ZNF471: variants seen among roughly 807,000 people sequenced by gnomAD.
The protein encoded by ZNF471 is zinc finger protein 471.
In ZNF471, 7 loss-of-function variants were observed where a neutral mutation model predicts 13.7. The ratio of observed to expected loss-of-function variants is 0.51; its 90% CI spans 0.29 to 0.96. The LOEUF is 0.96. Among genes scored for constraint, ZNF471 ranks in the 40% least tolerant of loss-of-function variants. The pLI, the probability that ZNF471 is intolerant of heterozygous loss-of-function variation, is 0.08. For synonymous variants in ZNF471, 218 were observed against 235.6 expected (o/e 0.93, Z 0.68); for missense variants, 663 against 743.3 (o/e 0.89, Z 1.26).
At position 56,522,841 on chromosome 19, in the gene ZNF471, A is replaced by G. The variant is rs770200755; in HGVS notation, c.257-1483A>G. On this transcript the variant is annotated intron_variant, in intron 4 of 4. Coordinates refer to ENST00000308031, the MANE Select transcript of ZNF471 (RefSeq NM_020813.4). The surrounding 1 kb of genome is among the most constrained non-coding windows in gnomAD (Gnocchi z 4.1). Reference sequence around the variant, plus strand: ...AACCTATGCCTCCTGGGTTCAAGCAATTTTCCTGCTTTAGCCTCCCAGGTA... The same window carrying G: ...AACCTATGCCTCCTGGGTTCAAGCAGTTTTCCTGCTTTAGCCTCCCAGGTA... 2.6e-5 allele frequency among the ~76,000 whole-genome samples: 4 copies of G among 151,766 alleles called. No individual in the cohort carries two copies. The highest frequency in any genetic ancestry group is 5.9e-5 in the Non-Finnish European group (4 of 67,966).
chr19:56,517,156 T>C (rs1484629248), intron 3 of ZNF471, among the ~76,000 whole-genome samples: 12 of 150,812 alleles, frequency 8.0e-5, no homozygotes, highest in Non-Finnish European at 1.5e-4. Flanking sequence ...TTTTTTTTTT[T>C]TTTTTGAGAC....
rs1294125422 is a variant in ZNF471, at chr19:56,522,631, A to G, written c.257-1693A>G. Among the ~76,000 whole-genome samples, 1 of 152,120 alleles carries G rather than the reference A, an allele frequency of 6.6e-6. No homozygotes were observed. The highest frequency in any genetic ancestry group is 1.5e-5 in the Non-Finnish European group (1 of 68,032). ...CTTTTCCCTCAGGTTTTCTCTCAGT[A>G]TCATCTCTTCAATACAAATTTCTTT... is the stretch of plus-strand genomic sequence containing the variant. On this transcript the variant is annotated intron_variant, in intron 4 of 4. Coordinates refer to ENST00000308031, the MANE Select transcript of ZNF471 (RefSeq NM_020813.4). This position sits in a 1 kb window ranked among gnomAD's most constrained non-coding sequence, Gnocchi z 4.1.
intron 2 of ZNF471, among the ~76,000 whole-genome samples, chr19:56,514,214 A>G (rs980492950): frequency 9.2e-5 from 14 of 151,876 alleles, no homozygotes; most frequent in African/African-American, 3.4e-4. Context: ...GGCATGCACC[A>G]CCATGCACAG....
intron 2 of ZNF471, among the ~76,000 whole-genome samples, chr19:56,515,509 C>G (rs952213517): frequency 6.6e-6 from 1 of 152,140 alleles, no homozygotes; most frequent in Admixed American, 6.5e-5. Flanking sequence ...TTAAAATGTG[C>G]TTTTAAACAC....
chr19:56,516,036 G>T lies in ZNF471; in HGVS notation c.34-239G>T, dbSNP rs897823849. Among the ~76,000 whole-genome samples the T allele has an allele frequency of 6.6e-6, 1 of 152,176 alleles. No homozygotes were observed. Among genetic ancestry groups the T allele is most frequent in the Non-Finnish European group, 1.5e-5 (1 of 68,028 alleles). On this transcript the variant is annotated intron_variant, in intron 2 of 4. Transcript: ENST00000308031. The surrounding 1 kb of genome is among the most constrained non-coding windows in gnomAD (Gnocchi z 4.4). Reference sequence around the variant, plus strand: ...ACACAGGTGTGTGTTCTCCCTTGAAGCCGTCTTCACTGCCTTGTAGTTATG... The same window carrying T: ...ACACAGGTGTGTGTTCTCCCTTGAATCCGTCTTCACTGCCTTGTAGTTATG...
chr19:56,514,981 C>T (rs1386334214), intron 2 of ZNF471, among the ~76,000 whole-genome samples: 4 of 151,858 alleles, frequency 2.6e-5, no homozygotes, highest in African/African-American at 4.8e-5. Context: ...TATCTGATAC[C>T]TTGCAATAAA....
At chr19:56,512,058 A>G (rs1468149168) in intron 2 of ZNF471, among the ~76,000 whole-genome samples, 1 of 152,054 alleles carries the variant, frequency 6.6e-6, no homozygotes, top group African/African-American at 2.4e-5. Flanking sequence ...CATTTTAAGT[A>G]TGAATTACCA....
rs768750703 is a variant in ZNF471, at chr19:56,525,535, A to T, written c.1468A>T (p.Lys490Ter). The change falls in exon 5 of 5, where the codon AAA becomes TAA. Residue 490 changes from lysine to a stop codon, truncating the protein, a stop_gained. Coordinates refer to ENST00000308031, the MANE Select transcript of ZNF471 (RefSeq NM_020813.4). LOFTEE classifies it low-confidence loss of function (END_TRUNC). ...IHTGEKPYEC[K>*]ECGKAFRISS... ...TACTGGTGAAAAACCCTATGAATGTAAAGAATGTGGAAAAGCTTTTAGAAT... is the reference window on the plus strand; with the variant it reads ...TACTGGTGAAAAACCCTATGAATGTTAAGAATGTGGAAAAGCTTTTAGAAT... The T allele has an allele frequency of 1.2e-6, 2 of 1,614,140 alleles. No homozygotes were observed. The highest frequency in any genetic ancestry group is 1.7e-6 in the Non-Finnish European group (2 of 1,180,008).
chr19:56,525,402 A>C lies in ZNF471; in HGVS notation c.1335A>C (p.Ser445=). 1 of 1,613,780 alleles carries C rather than the reference A, an allele frequency of 6.2e-7. No homozygotes were observed. Among genetic ancestry groups the C allele is most frequent in the Non-Finnish European group, 8.5e-7 (1 of 1,179,944 alleles). The stretch of plus-strand genomic sequence containing the variant: ...GGAAAGATTTTAGCCATCATGCATC[A>C]CTCACTCAGCATCAAAGAGTACATT... The part of the protein sequence containing the change: ...ICGKDFSHHA[S]LTQHQRVHSG... Residue 445 remains serine, a synonymous_variant, in exon 5 of 5, where the codon TCA becomes TCC. Coordinates refer to ENST00000308031, the MANE Select transcript of ZNF471 (RefSeq NM_020813.4).
rs1260448944 is a variant in ZNF471 at position 56,510,374 on chromosome 19, A to G, written c.-55-1143A>G. The G allele has an allele frequency of 4.1e-6, 4 of 985,420 alleles. No homozygotes were observed. The highest frequency in any genetic ancestry group is 4.8e-6 in the Non-Finnish European group (4 of 830,004). The allele number at this position is 985,420 out of a possible 1,614,324, so 61.0% of individuals were successfully genotyped here. A position where few individuals can be genotyped will look rare whatever the true frequency, so the allele number is the denominator to read the frequency against. ...TGTGTGAGAGACCAAAATGGGTGAG[A>G]AAGAAACTATGTGAACCATGGTGTG... On this transcript the variant is annotated intron_variant, in intron 1 of 4. Transcript: ENST00000308031. The surrounding 1 kb of genome is among the most constrained non-coding windows in gnomAD (Gnocchi z 4.3).
chr19:56,511,666 T>C, intron 2 of ZNF471, 62 bp downstream of exon 2: 2 of 1,344,014 alleles, frequency 1.5e-6, no homozygotes, highest in Non-Finnish European at 2.1e-6. Context: ...CTTTTTGTAA[T>C]GCTTCTTTTC....
intron 1 of ZNF471, chr19:56,509,786 T>C (rs1175551298): frequency 4.5e-6 from 4 of 884,708 alleles, no homozygotes; most frequent in South Asian, 5.2e-5. Context: ...TAGAACTGTT[T>C]TGTGTTGTGT....
chr19:56,524,530 A>C lies in ZNF471; in HGVS notation c.463A>C (p.Lys155Gln), dbSNP rs2044017504. 1.2e-6 allele frequency: 2 copies of C among 1,602,274 alleles called. No homozygotes were observed. The highest frequency in any genetic ancestry group is 1.7e-6 in the Non-Finnish European group (2 of 1,176,832). The change falls in exon 5 of 5, where the codon AAG (lysine) becomes CAG (glutamine). Residue 155 changes from lysine (K) to glutamine (Q), a missense_variant. Coordinates refer to ENST00000308031, the MANE Select transcript of ZNF471 (RefSeq NM_020813.4). The surrounding 1 kb of genome is among the most constrained non-coding windows in gnomAD (Gnocchi z 4.8). Reference sequence around the variant, plus strand: ...AATCACTCATAAAGAAACCATCACTAAGGAAACAGAATTCAAATATACTAA... The same window carrying C: ...AATCACTCATAAAGAAACCATCACTCAGGAAACAGAATTCAAATATACTAA... ...EIITHKETIT[K>Q]ETEFKYTKFG...
chr19:56,523,692 T>C (rs1210263723), intron 4 of ZNF471, among the ~76,000 whole-genome samples: 1 of 152,162 alleles, frequency 6.6e-6, no homozygotes, highest in Non-Finnish European at 1.5e-5. Context: ...TGAAAACCAA[T>C]TACAAGTGGA....
rs1214198976 is a variant in ZNF471 at position 56,525,626 on chromosome 19, G to A, written c.1559G>A (p.Cys520Tyr). The A allele has an allele frequency of 6.2e-7, 1 of 1,614,182 alleles. No individual in the cohort carries two copies. The highest frequency in any genetic ancestry group is 1.3e-5 in the African/African-American group (1 of 75,042). Residue 520 changes from cysteine to tyrosine, a missense_variant, in exon 5 of 5, where the codon TGT becomes TAT. Cys to Tyr is a radical substitution (Grantham distance 194). Coordinates refer to ENST00000308031, the MANE Select transcript of ZNF471 (RefSeq NM_020813.4). ...GAGAAGCCTTATGAATGTATTGAAT[G>A]TGGAAATGCTTTCAAACAGAGATCA... ...TGEKPYECIE[C>Y]GNAFKQRSHL...
At position 56,524,783 on chromosome 19, in the gene ZNF471, G is replaced by C; in HGVS notation, c.716G>C (p.Cys239Ser). The C allele has an allele frequency of 6.2e-7, 1 of 1,613,332 alleles. No homozygotes were observed. Among genetic ancestry groups the C allele is most frequent in the Non-Finnish European group, 8.5e-7 (1 of 1,179,694 alleles). Residue 239 changes from cysteine to serine, a missense_variant, in exon 5 of 5, where the codon TGT becomes TCT. Physicochemically the swap from Cys to Ser is moderately radical, Grantham distance 112. Transcript: ENST00000308031. This position sits in a 1 kb window ranked among gnomAD's most constrained non-coding sequence, Gnocchi z 4.8. Reference sequence around the variant, plus strand: ...GAAAAACCATATGCATGTGAGGAATGTGGAAAAGCCTTCAAGCAAAGGCAA... The same window carrying C: ...GAAAAACCATATGCATGTGAGGAATCTGGAAAAGCCTTCAAGCAAAGGCAA... ...TGEKPYACEE[C>S]GKAFKQRQHL... is the part of the protein sequence containing the mutation.
Position 56,525,874 on chromosome 19 carries a change from G to T in ZNF471, c.1807G>T (p.Glu603Ter), listed in dbSNP as rs771315917. Residue 603 changes from glutamate (E) to a stop codon, truncating the protein, a stop_gained, in exon 5 of 5, where the codon GAA becomes TAA. Coordinates refer to ENST00000308031, the MANE Select transcript of ZNF471 (RefSeq NM_020813.4). LOFTEE classifies it low-confidence loss of function (END_TRUNC). ...HTGQRPYQCFECGKAFRRKLS... is the reference protein window; with the variant it reads ...HTGQRPYQCF ...TGGCCAAAGGCCCTATCAGTGTTTT[G>T]AATGTGGGAAGGCGTTCAGAAGAAA... 26 of 1,600,610 alleles carry T rather than the reference G, an allele frequency of 1.6e-5. No individual in the cohort carries two copies. The highest frequency in any genetic ancestry group is 2.2e-5 in the Non-Finnish European group (26 of 1,176,240).
intron 4 of ZNF471, among the ~76,000 whole-genome samples, chr19:56,523,888 A>G (rs113880920): frequency 0.063 from 9,599 of 152,266 alleles, 494 homozygotes; most frequent in African/African-American, 0.14. Context: ...CAGTAGGGCA[A>G]TCATGGCTCA....
In ZNF471 at chr19:56,516,470, G is replaced by T; in HGVS notation, c.160+69G>T. 6.9e-7 allele frequency: 1 copy of T among 1,445,402 alleles called. No homozygotes were observed. Among genetic ancestry groups the T allele is most frequent in the Non-Finnish European group, 9.3e-7 (1 of 1,072,500 alleles). 89.5% of individuals were successfully genotyped at this position (1,445,402 alleles called of 1,614,324 possible). On this transcript the variant is annotated intron_variant, in intron 3 of 4. Coordinates refer to ENST00000308031, the MANE Select transcript of ZNF471 (RefSeq NM_020813.4). This position sits in a 1 kb window ranked among gnomAD's most constrained non-coding sequence, Gnocchi z 4.4. ...TTTTTGTCTATATATTATTAAATTT[G>T]CTTTTATTATATGTAGGTCAGAATG...
Sources: allele counts gnomAD v4.1 joint callset (sites outside exome capture counted in the v4.1 genomes callset), GRCh38; gene constraint gnomAD v4.1.1; non-coding constraint Gnocchi (gnomAD v3.1); transcripts MANE v1.5; gene names NCBI Gene and HGNC (gene_info 2026-07-23, HGNC 2026-07-21).